Variants in APPBP2 observed in about 807,000 individuals in gnomAD.
The protein encoded by APPBP2 is amyloid beta precursor protein binding protein 2, also known as amyloid protein-binding protein 2.
Under a neutral mutation model 76.0 loss-of-function variants are expected in APPBP2, and 15 were observed. The observed-to-expected ratio is 0.20, with a 90% CI of 0.13 to 0.30. APPBP2 has a LOEUF of 0.30. Among genes scored for constraint, APPBP2 ranks in the 10% least tolerant of loss-of-function variants. The pLI is 1.00. For missense variants in APPBP2, 401 were observed against 687.2 expected (o/e 0.58, Z 4.66); for synonymous variants, 222 against 242.2 (o/e 0.92, Z 0.77).
chr17:60,489,139 T>C (rs1251225978), intron 3 of APPBP2, among the ~76,000 whole-genome samples: 1 of 151,856 alleles, frequency 6.6e-6, no homozygotes, highest in Non-Finnish European at 1.5e-5. Flanking sequence ...GGAGAATGGC[T>C]TGAACCCGGG....
intron 4 of APPBP2, among the ~76,000 whole-genome samples, 160 bp downstream of exon 4, chr17:60,478,988 A>G (rs1344221463): frequency 6.6e-6 from 1 of 152,248 alleles, no homozygotes; most frequent in African/African-American, 2.4e-5. Flanking sequence ...CAGATTAACT[A>G]TATTTTAGAG....
In APPBP2 at chr17:60,500,508, T is replaced by C. The variant is rs55851031; in HGVS notation, c.139-21A>G. ...TAAAGCTGAAATAAAAAACAAATGA[T>C]TTAAAAATTTTGCAATTTAATTCTT... On this transcript the variant is annotated intron_variant, in intron 1 of 12. Transcript: ENST00000083182. 0.038 allele frequency: 58,935 copies of C among 1,558,628 alleles called. 17,764 individuals are homozygous for C. In the African/African-American group the frequency reaches 0.68, roughly 18 times the overall value.
rs184639369 is a variant in APPBP2, at chr17:60,454,167, T to C, written c.1338+135A>G. ...AATGAGCCACTGTGCTTGGCCTATG[T>C]TGTTTTATACTCACTATCTTCTCAA... On this transcript the variant is annotated intron_variant, in intron 11 of 12. Transcript: ENST00000083182. 99 of 613,650 alleles carry C rather than the reference T, an allele frequency of 1.6e-4. No individual in the cohort carries two copies. The African/African-American group carries it at 1.8e-3, about 11-fold the overall frequency. 38.0% of individuals were successfully genotyped at this position (613,650 alleles called of 1,614,324 possible).
At position 60,445,030 on chromosome 17, in the gene APPBP2, T is replaced by G. The variant is rs928720647; in HGVS notation, c.*2551A>C. 6.6e-6 allele frequency: 1 copy of G among 152,184 alleles called. No homozygotes were observed. Among genetic ancestry groups the G allele is most frequent in the South Asian group, 2.1e-4 (1 of 4,830 alleles). 9.4% of individuals were successfully genotyped at this position (152,184 alleles called of 1,614,324 possible). ...ACCCAATAAATCATAGTGGCACACA[T>G]CTAACTTATCCTAAACATCCCTACT... is the stretch of plus-strand genomic sequence containing the variant. On this transcript the variant is annotated 3_prime_UTR_variant, in exon 13 of 13. Transcript: ENST00000083182.
At chr17:60,521,693 A>G (rs1250579266) in intron 1 of APPBP2, among the ~76,000 whole-genome samples, 2 of 152,186 alleles carry the variant, frequency 1.3e-5, no homozygotes, top group Non-Finnish European at 2.9e-5. Context: ...CTGGGATTAC[A>G]GGCATGAGCC....
intron 5 of APPBP2, among the ~76,000 whole-genome samples, chr17:60,464,527 TGTTTA>T (rs755868510): frequency 4.6e-5 from 7 of 152,214 alleles, no homozygotes; most frequent in East Asian, 1.9e-4. Flanking sequence ...CTGAATTGTC[TGTTTA>T]GTTGAGTGTT....
intron 1 of APPBP2, among the ~76,000 whole-genome samples, chr17:60,512,465 A>G (rs1224629443): frequency 1.3e-5 from 2 of 152,046 alleles, no homozygotes; most frequent in East Asian, 3.9e-4. Context: ...CCTTTACTGA[A>G]TTATCTTACT....
intron 12 of APPBP2, among the ~76,000 whole-genome samples, chr17:60,448,897 A>G (rs1435753330): frequency 6.6e-6 from 1 of 152,248 alleles, no homozygotes; most frequent in Non-Finnish European, 1.5e-5. Context: ...ATCTTTCTGT[A>G]TAGTTCTAAT....
intron 10 of APPBP2, 132 bp downstream of exon 10, chr17:60,456,164 T>C: frequency 3.2e-6 from 2 of 629,814 alleles, no homozygotes; most frequent in Non-Finnish European, 5.5e-6. Context: ...AAAATGGCTA[T>C]CTAGTAATAC....
At chr17:60,519,015 G>A (rs1441656858) in intron 1 of APPBP2, among the ~76,000 whole-genome samples, 3 of 152,076 alleles carry the variant, frequency 2.0e-5, no homozygotes, top group Non-Finnish European at 4.4e-5. Flanking sequence ...CTAGTGTGCA[G>A]CGGCACAATC....
intron 5 of APPBP2, among the ~76,000 whole-genome samples, chr17:60,465,925 T>C (rs2090507489): frequency 6.6e-6 from 1 of 152,148 alleles, no homozygotes; most frequent in Non-Finnish European, 1.5e-5. Context: ...ACCCTCAACT[T>C]ACTGGGCTCA....
intron 1 of APPBP2, among the ~76,000 whole-genome samples, chr17:60,520,678 G>GA (rs1465122283): frequency 1.3e-5 from 2 of 151,670 alleles, no homozygotes; most frequent in Non-Finnish European, 2.9e-5. Context: ...TTTGTATTTG[G>GA]AAAAAACACA....
chr17:60,465,021 T>C (rs2090500585), intron 5 of APPBP2: 2 of 152,270 alleles, frequency 1.3e-5, no homozygotes, highest in African/African-American at 4.8e-5. Flanking sequence ...AGTGAGACGC[T>C]GTCTCAAACA....
chr17:60,484,688 C>T (rs1265065651), intron 3 of APPBP2, among the ~76,000 whole-genome samples: 3 of 152,154 alleles, frequency 2.0e-5, no homozygotes, highest in Non-Finnish European at 4.4e-5. Flanking sequence ...AATTTGACTT[C>T]CTCTCTTCCT....
At chr17:60,519,127 A>AC (rs1249035254) in intron 1 of APPBP2, among the ~76,000 whole-genome samples, 2 of 145,372 alleles carry the variant, frequency 1.4e-5, no homozygotes, top group African/African-American at 5.5e-5. Context: ...ACACCTGAAT[A>AC]AATTTTTTTT....
chr17:60,524,461 G>A (rs1382794173), intron 1 of APPBP2, among the ~76,000 whole-genome samples: 2 of 152,026 alleles, frequency 1.3e-5, no homozygotes, highest in East Asian at 3.9e-4. Flanking sequence ...TAGGAAAAAA[G>A]GGAGCTTTTT....
intron 2 of APPBP2, among the ~76,000 whole-genome samples, chr17:60,497,475 T>G (rs1178515259): frequency 6.6e-6 from 1 of 152,150 alleles, no homozygotes; most frequent in African/African-American, 2.4e-5. Context: ...AGTTCTACAT[T>G]TTAATAACTG....
chr17:60,448,495 C>T (rs73324596), intron 12 of APPBP2, among the ~76,000 whole-genome samples: 12,522 of 152,162 alleles, frequency 0.082, 1,709 homozygotes, highest in African/African-American at 0.28. Flanking sequence ...AAAACCAAAA[C>T]ACATGCACAA....
chr17:60,456,504 G>T (rs2090432778), intron 9 of APPBP2, 123 bp from the exon 10 acceptor site: 1 of 671,628 alleles, frequency 1.5e-6, no homozygotes, highest in Admixed American at 2.7e-5. Context: ...CTGTGGTAAA[G>T]ATCCAGCTTT....
Sources: allele counts gnomAD v4.1 joint callset (sites outside exome capture counted in the v4.1 genomes callset), GRCh38; gene constraint gnomAD v4.1.1; transcripts MANE v1.5; gene names NCBI Gene and HGNC (gene_info 2026-07-23, HGNC 2026-07-21).